DEPDC5: variants seen among roughly 807,000 people sequenced by gnomAD.
DEPDC5 encodes GATOR1 complex protein DEPDC5.
A neutral mutation model predicts 217.3 loss-of-function variants in DEPDC5; 73 were observed. The ratio of observed to expected loss-of-function variants is 0.34; its 90% confidence interval spans 0.28 to 0.41. The LOEUF (loss-of-function observed/expected upper bound fraction) is 0.41, where lower values mean the gene tolerates loss of function less well. DEPDC5 is among the 10% of genes least tolerant of loss of function. DEPDC5 has a pLI of 1.00. For missense variants in DEPDC5, 1,675 were observed against 2,070.1 expected (o/e 0.81, Z 3.70); for synonymous variants, 733 against 756.7 (o/e 0.97, Z 0.51).
At chr22:31,830,145 G>A (rs1266642381) in intron 24 of DEPDC5, among the ~76,000 whole-genome samples, 2 of 152,232 alleles carry the variant, frequency 1.3e-5, no homozygotes, top group African/African-American at 2.4e-5. Context: ...CCAGAGAAGA[G>A]AAACCACTTG....
chr22:31,815,334 G>T, intron 21 of DEPDC5, 122 bp downstream of exon 21: 1 of 973,072 alleles, frequency 1.0e-6, no homozygotes, highest in Non-Finnish European at 1.6e-6. Context: ...TTCTTTGCCA[G>T]TGCAGTAGGT....
intron 27 of DEPDC5, 31 bp from the exon 28 acceptor site, chr22:31,843,064 C>T: frequency 6.5e-7 from 1 of 1,543,308 alleles, no homozygotes; most frequent in South Asian, 1.1e-5. Context: ...GAGCTTCAAA[C>T]AGATGGAGGA....
intron 36 of DEPDC5, chr22:31,875,755 TC>T: frequency 6.6e-6 from 1 of 151,382 alleles, no homozygotes; most frequent in South Asian, 2.1e-4. Context: ...TGCCTCAGCC[TC>T]CCGAGTAGCT....
In DEPDC5 at chr22:31,802,849, C is replaced by G. The variant is rs746410744; in HGVS notation, c.1081+11C>G. On this transcript the variant is annotated intron_variant, in intron 15 of 42. Coordinates refer to ENST00000651528, the MANE Select transcript of DEPDC5 (RefSeq NM_001242896.3). Reference sequence around the variant, plus strand: ...GGATGATAGATAATGGTAATGCTCTCTGGTTTGTGCCCTGTCTCCACATGT... The same window carrying G: ...GGATGATAGATAATGGTAATGCTCTGTGGTTTGTGCCCTGTCTCCACATGT... The G allele has an allele frequency of 2.5e-6, 4 of 1,585,430 alleles. No homozygotes were observed. The highest frequency in any genetic ancestry group is 3.4e-6 in the Non-Finnish European group (4 of 1,165,958).
chr22:31,824,695 C>T (rs1337929575), intron 24 of DEPDC5, among the ~76,000 whole-genome samples: 1 of 151,976 alleles, frequency 6.6e-6, no homozygotes, highest in Non-Finnish European at 1.5e-5. Flanking sequence ...TAGCCGGGCA[C>T]TGTGGCTCAC....
At chr22:31,774,007 G>A (rs1436482854) in intron 7 of DEPDC5, among the ~76,000 whole-genome samples, 1 of 152,032 alleles carries the variant, frequency 6.6e-6, no homozygotes, top group Non-Finnish European at 1.5e-5. Context: ...GGAGGCAGAG[G>A]TTGTGGTGAG....
intron 40 of DEPDC5, among the ~76,000 whole-genome samples, chr22:31,901,526 C>T (rs1386372475): frequency 6.6e-6 from 1 of 152,196 alleles, no homozygotes; most frequent in Non-Finnish European, 1.5e-5. Flanking sequence ...CCAGCTATAG[C>T]TTGCTTGGGG....
intron 6 of DEPDC5, among the ~76,000 whole-genome samples, chr22:31,767,831 C>G (rs2082954218): frequency 6.6e-6 from 1 of 151,860 alleles, no homozygotes; most frequent in African/African-American, 2.4e-5. Flanking sequence ...ACTGCAAGCT[C>G]TGCCTCCCGG....
At chr22:31,796,759 C>T (rs147223237) in intron 12 of DEPDC5, among the ~76,000 whole-genome samples, 6,086 of 150,070 alleles carry the variant, frequency 0.041, 359 homozygotes, top group African/African-American at 0.14. Context: ...TGCAGTGGCT[C>T]GATCTCGGCT....
chr22:31,889,520 CAAGACCAGAGGGCA>C (rs1406717428), intron 38 of DEPDC5, among the ~76,000 whole-genome samples: 1 of 150,326 alleles, frequency 6.7e-6, no homozygotes, highest in Non-Finnish European at 1.5e-5. Context: ...ACACAGTGTC[CAAGACCAGAGGGCA>C]AAACTTCTTT....
intron 32 of DEPDC5, among the ~76,000 whole-genome samples, 188 bp from the exon 33 acceptor site, chr22:31,861,180 T>C (rs1022763713): frequency 2.6e-4 from 38 of 144,812 alleles, no homozygotes; most frequent in Admixed American, 4.2e-4. Flanking sequence ...CTCTCTCTCT[T>C]TTTTTTTTTT....
intron 12 of DEPDC5, among the ~76,000 whole-genome samples, chr22:31,794,003 A>G (rs1236283277): frequency 6.6e-6 from 1 of 152,174 alleles, no homozygotes; most frequent in Non-Finnish European, 1.5e-5. Context: ...TCCCTGTGGG[A>G]TAGATACTGT....
At chr22:31,873,465 CTT>C in intron 35 of DEPDC5, 133 bp downstream of exon 35, 1 of 886,926 alleles carries the variant, frequency 1.1e-6, no homozygotes, top group Non-Finnish European at 1.7e-6. Context: ...GGGCAAGTCA[CTT>C]GACCTCTCTG....
chr22:31,755,030 T>G, intron 2 of DEPDC5, 51 bp downstream of exon 2: 1 of 1,604,448 alleles, frequency 6.2e-7, no homozygotes, highest in Non-Finnish European at 8.5e-7. Flanking sequence ...GAGGTTCTGG[T>G]GTGTGCAATA....
intron 39 of DEPDC5, 95 bp from the exon 40 acceptor site, chr22:31,897,387 T>C (rs1315710777): frequency 2.2e-5 from 32 of 1,470,608 alleles, no homozygotes; most frequent in Non-Finnish European, 2.9e-5. Flanking sequence ...TCAATATGCA[T>C]GCTGCCTTTC....
At chr22:31,832,134 A>G (rs979823703) in intron 24 of DEPDC5, among the ~76,000 whole-genome samples, 2 of 152,244 alleles carry the variant, frequency 1.3e-5, no homozygotes, top group African/African-American at 4.8e-5. Context: ...GTAGTATTCC[A>G]TTGTATGGAT....
At chr22:31,773,224 A>G (rs1349015768) in intron 7 of DEPDC5, among the ~76,000 whole-genome samples, 2 of 152,124 alleles carry the variant, frequency 1.3e-5, no homozygotes, top group Admixed American at 6.6e-5. Flanking sequence ...GGCTTCCTCT[A>G]TCGCCCAGGC....
chr22:31,777,629 T>C (rs1217857274), intron 7 of DEPDC5, among the ~76,000 whole-genome samples: 2 of 152,218 alleles, frequency 1.3e-5, no homozygotes, highest in Middle Eastern at 3.4e-3. Flanking sequence ...CAGTATAGTA[T>C]GAGAGTTCTT....
At chr22:31,857,595 A>G in intron 32 of DEPDC5, 42 bp downstream of exon 32, 2 of 1,526,278 alleles carry the variant, frequency 1.3e-6, no homozygotes, top group South Asian at 1.2e-5. Context: ...CTGTGCTCTC[A>G]GAGACTCAGT....
Sources: allele counts gnomAD v4.1 joint callset (sites outside exome capture counted in the v4.1 genomes callset), GRCh38; gene constraint gnomAD v4.1.1; transcripts MANE v1.5; gene names NCBI Gene and HGNC (gene_info 2026-07-23, HGNC 2026-07-21).